CPHXL: variants seen among roughly 807,000 people sequenced by gnomAD.
CPHXL encodes cytoplasmic polyadenylated homeobox like.
intron 1 of CPHXL, among the ~76,000 whole-genome samples, chr16:75,720,988 T>C (rs1332316417): frequency 6.6e-6 from 1 of 152,216 alleles, no homozygotes; most frequent in African/African-American, 2.4e-5. Context: ...CAGAATTTCA[T>C]ATCCAGCCAA....
At chr16:75,724,710 A>T (rs543464837) in intron 1 of CPHXL, among the ~76,000 whole-genome samples, 1 of 152,322 alleles carries the variant, frequency 6.6e-6, no homozygotes, top group East Asian at 1.9e-4. Flanking sequence ...TGTGGAAGTC[A>T]GTGTGGCGAT....
chr16:75,716,392 G>C (rs999873187), intron 2 of CPHXL, among the ~76,000 whole-genome samples: 2 of 152,194 alleles, frequency 1.3e-5, no homozygotes, highest in African/African-American at 4.8e-5. Context: ...TTCAGGTCAG[G>C]GCTCCTGCTG....
chr16:75,719,499 C>T (rs1331757452), intron 1 of CPHXL, among the ~76,000 whole-genome samples: 1 of 152,184 alleles, frequency 6.6e-6, no homozygotes, highest in Non-Finnish European at 1.5e-5. Context: ...TGGAGCCTCG[C>T]TCACTGCTAG....
rs372631587 is a variant in CPHXL at position 75,724,601 on chromosome 16, C to T, written c.25+1817G>A. Among the ~76,000 whole-genome samples the T allele has an allele frequency of 4.7e-4, 72 of 152,252 alleles. 2 individuals are homozygous for T. In the South Asian group the frequency reaches 8.3e-3, roughly 18 times the overall value. On this transcript the variant is annotated intron_variant, in intron 1 of 2. Coordinates refer to ENST00000640559, the MANE Select transcript of CPHXL (RefSeq NM_001355613.1). ...TACCATCTCACACCAGTTAGAATGG[C>T]GATCATTCCAAAGTCAGGAAACAAC...
At chr16:75,724,235 C>T (rs942400895) in intron 1 of CPHXL, among the ~76,000 whole-genome samples, 1 of 152,176 alleles carries the variant, frequency 6.6e-6, no homozygotes, top group Admixed American at 6.5e-5. Context: ...ATGTCTAAAA[C>T]ACCAAAAGCA....
At chr16:75,720,977 C>T (rs1439552057) in intron 1 of CPHXL, among the ~76,000 whole-genome samples, 1 of 152,134 alleles carries the variant, frequency 6.6e-6, no homozygotes, top group Non-Finnish European at 1.5e-5. Context: ...GAATTTTCAA[C>T]CAGAATTTCA....
intron 1 of CPHXL, among the ~76,000 whole-genome samples, chr16:75,720,008 T>A (rs2151839298): frequency 1.3e-5 from 2 of 152,266 alleles, no homozygotes; most frequent in East Asian, 3.9e-4. Flanking sequence ...GGAGTGGACC[T>A]CCGGCAAACT....
At chr16:75,720,504 T>C (rs1210188859) in intron 1 of CPHXL, among the ~76,000 whole-genome samples, 1 of 152,100 alleles carries the variant, frequency 6.6e-6, no homozygotes, top group Non-Finnish European at 1.5e-5. Flanking sequence ...AGGGCATCAG[T>C]GATGGAAGAT....
intron 1 of CPHXL, 102 bp downstream of exon 1, chr16:75,726,316 C>A (rs1304233344): frequency 2.5e-6 from 1 of 398,190 alleles, no homozygotes; most frequent in Non-Finnish European, 4.4e-6. Flanking sequence ...AGCTGCTGCT[C>A]CAACAATCTG....
At chr16:75,724,699 T>C (rs1440733655) in intron 1 of CPHXL, among the ~76,000 whole-genome samples, 1 of 152,170 alleles carries the variant, frequency 6.6e-6, no homozygotes, top group African/African-American at 2.4e-5. Flanking sequence ...AGTTCAACCA[T>C]TGTGGAAGTC....
intron 1 of CPHXL, among the ~76,000 whole-genome samples, chr16:75,725,027 A>G (rs1460158901): frequency 6.6e-6 from 1 of 152,138 alleles, no homozygotes; most frequent in Non-Finnish European, 1.5e-5. Flanking sequence ...TCACAAGGAC[A>G]AAAAACCAAA....
chr16:75,719,623 A>G (rs1959445704), intron 1 of CPHXL, among the ~76,000 whole-genome samples: 1 of 152,164 alleles, frequency 6.6e-6, no homozygotes, highest in Non-Finnish European at 1.5e-5. Context: ...AACTGGGTGG[A>G]GCCCACTGCA....
intron 1 of CPHXL, among the ~76,000 whole-genome samples, chr16:75,720,170 A>C (rs1320300018): frequency 6.6e-6 from 1 of 152,190 alleles, no homozygotes; most frequent in East Asian, 1.9e-4. Context: ...GAACAGAAAA[A>C]CCGGAAACTC....
intron 1 of CPHXL, among the ~76,000 whole-genome samples, chr16:75,719,483 C>G (rs142081257): frequency 1.3e-5 from 2 of 152,020 alleles, no homozygotes; most frequent in African/African-American, 4.8e-5. Context: ...GAGGGTCCTA[C>G]GCCCATGGAG....
chr16:75,715,317 C>G lies in CPHXL; in HGVS notation c.220-95G>C. ...ATGTAGGAGGATTTTTCTATTTAAGCCTCTTCCAAGCAGAGTCCCTGACTT... is the reference window on the plus strand; with the variant it reads ...ATGTAGGAGGATTTTTCTATTTAAGGCTCTTCCAAGCAGAGTCCCTGACTT... On this transcript the variant is annotated intron_variant, in intron 2 of 2. Coordinates refer to ENST00000640559, the MANE Select transcript of CPHXL (RefSeq NM_001355613.1). 4 of 397,610 alleles carry G rather than the reference C, an allele frequency of 1.0e-5. No individual in the cohort carries two copies. In the East Asian group the frequency reaches 1.4e-4, roughly 14 times the overall value. The allele number at this position is 397,610 out of a possible 1,614,324, so 24.6% of individuals were successfully genotyped here.
At chr16:75,715,563 CTG>C (rs1234491026) in intron 2 of CPHXL, among the ~76,000 whole-genome samples, 1 of 152,240 alleles carries the variant, frequency 6.6e-6, no homozygotes, top group Non-Finnish European at 1.5e-5. Flanking sequence ...GAGACCCACT[CTG>C]TGCTACAGAA....
intron 1 of CPHXL, among the ~76,000 whole-genome samples, chr16:75,721,188 C>T (rs1269256567): frequency 1.3e-5 from 2 of 152,152 alleles, no homozygotes; most frequent in Admixed American, 6.6e-5. Flanking sequence ...GAAGAAACTG[C>T]ATGAACTAAG....
chr16:75,720,004 G>C (rs1020156672), intron 1 of CPHXL, among the ~76,000 whole-genome samples: 1 of 152,186 alleles, frequency 6.6e-6, no homozygotes, highest in African/African-American at 2.4e-5. Flanking sequence ...GTCTGGAGTG[G>C]ACCTCCGGCA....
At chr16:75,722,836 A>G (rs187321006) in intron 1 of CPHXL, among the ~76,000 whole-genome samples, 61 of 152,360 alleles carry the variant, frequency 4.0e-4, no homozygotes, top group Admixed American at 3.2e-3. Flanking sequence ...ATGAACATTG[A>G]TGCAAAAATC....
Sources: allele counts gnomAD v4.1 joint callset (sites outside exome capture counted in the v4.1 genomes callset), GRCh38; gene constraint gnomAD v4.1.1; transcripts MANE v1.5; gene names NCBI Gene and HGNC (gene_info 2026-07-23, HGNC 2026-07-21).